PSMA4: variants seen among roughly 807,000 people sequenced by gnomAD.
PSMA4 encodes the protein proteasome 20S subunit alpha 4.
In PSMA4, 8 loss-of-function variants were observed where a neutral mutation model predicts 37.2. The ratio of observed to expected loss-of-function variants is 0.22; its 90% CI spans 0.13 to 0.39. The LOEUF (loss-of-function observed/expected upper bound fraction) is 0.39, where lower values mean the gene tolerates loss of function less well. Ranked by LOEUF, PSMA4 falls within the 10% of genes least tolerant of loss-of-function variation. PSMA4 has a pLI of 1.00. For synonymous variants in PSMA4, 93 were observed against 98.8 expected (o/e 0.94, Z 0.35); for missense variants, 169 against 305.1 (o/e 0.55, Z 3.32).
chr15:78,547,203 G>C (rs924085696), intron 8 of PSMA4, among the ~76,000 whole-genome samples: 5 of 152,128 alleles, frequency 3.3e-5, no homozygotes, highest in African/African-American at 1.2e-4. Context: ...GATCAACATT[G>C]GTAAATTGTG....
rs537707320 is a variant in PSMA4, at chr15:78,548,928, A to T, written c.770A>T (p.Lys257Ile). 3 of 1,608,576 alleles carry T rather than the reference A, an allele frequency of 1.9e-6. No homozygotes were observed. The African/African-American group carries it at 4.0e-5, about 22-fold the overall frequency. ...AEREKKEKEQKEKDK is the reference protein window; with the variant it reads ...AEREKKEKEQIEKDK ...CGTGAGAAGAAAGAAAAAGAACAGA[A>T]AGAAAAGGATAAATAGAATCAGAGA... Residue 257 changes from lysine to isoleucine, a missense_variant, in exon 9 of 9, where the codon AAA becomes ATA. Physicochemically the swap from Lys to Ile is moderately radical, Grantham distance 102 (BLOSUM62 -3). Coordinates refer to ENST00000044462, the MANE Select transcript of PSMA4 (RefSeq NM_002789.6).
chr15:78,546,764 T>G, intron 8 of PSMA4, 66 bp downstream of exon 8: 2 of 1,498,956 alleles, frequency 1.3e-6, no homozygotes, highest in Middle Eastern at 2.2e-4. Context: ...GTTAAGATTT[T>G]TTTCTTTTTT....
intron 4 of PSMA4, 25 bp downstream of exon 4, chr15:78,542,670 T>G: frequency 6.4e-7 from 1 of 1,574,166 alleles, no homozygotes; most frequent in South Asian, 1.2e-5. Context: ...AGGAAAGAGT[T>G]TAAAAAAAAT....
chr15:78,546,711 C>T lies in PSMA4; in HGVS notation c.631+13C>T. On this transcript the variant is annotated intron_variant, in intron 8 of 8. Transcript: ENST00000044462. ...TCTGCTGAAAAAGGTAATTCATATC[C>T]TCTCCTTTAATTCTTTCGACTGAGT... is the stretch of plus-strand genomic sequence containing the variant. 1.3e-6 allele frequency: 2 copies of T among 1,589,830 alleles called. No homozygotes were observed. Among genetic ancestry groups the T allele is most frequent in the South Asian group, 2.3e-5 (2 of 85,748 alleles).
At position 78,548,992 on chromosome 15, in the gene PSMA4, C is replaced by G; in HGVS notation, c.*48C>G. ...TTGGGGCACCATTTCAGTGTAAAAG[C>G]AGTCCTACTCTTCCACACTAGGAAG... On this transcript the variant is annotated 3_prime_UTR_variant, in exon 9 of 9. Coordinates refer to ENST00000044462, the MANE Select transcript of PSMA4 (RefSeq NM_002789.6). The G allele has an allele frequency of 6.4e-7, 1 of 1,557,814 alleles. No homozygotes were observed. Among genetic ancestry groups the G allele is most frequent in the Non-Finnish European group, 8.6e-7 (1 of 1,156,754 alleles).
intron 6 of PSMA4, among the ~76,000 whole-genome samples, 153 bp downstream of exon 6, chr15:78,545,110 A>G (rs4886572): frequency 0.67 from 101,597 of 152,052 alleles, 34,666 homozygotes; most frequent in East Asian, 0.83. Context: ...CATATTCATG[A>G]GGTACATAAT....
intron 8 of PSMA4, among the ~76,000 whole-genome samples, chr15:78,548,285 C>T (rs751234115): frequency 2.0e-5 from 3 of 152,036 alleles, no homozygotes; most frequent in Non-Finnish European, 2.9e-5. Flanking sequence ...CCTCTTTTGT[C>T]TACTTCCACC....
In PSMA4 at chr15:78,550,793, C is replaced by T. The variant is rs1335857362; in HGVS notation, c.*1849C>T. The T allele has an allele frequency of 1.3e-5, 2 of 152,190 alleles. No individual in the cohort carries two copies. Among genetic ancestry groups the T allele is most frequent in the African/African-American group, 2.4e-5 (1 of 41,446 alleles). 9.4% of individuals were successfully genotyped at this position (152,190 alleles called of 1,614,324 possible). ...CGCCTTGCTCAACCTCAGATGGGAA[C>T]ATGTGCACCTGGGTACTCAAAATTT... is the stretch of plus-strand genomic sequence containing the variant. On this transcript the variant is annotated 3_prime_UTR_variant, in exon 9 of 9. Transcript: ENST00000044462.
At chr15:78,545,071 AT>A (rs1298269197) in intron 6 of PSMA4, 114 bp downstream of exon 6, 2 of 622,998 alleles carry the variant, frequency 3.2e-6, no homozygotes, top group East Asian at 2.9e-5. Flanking sequence ...ATTAAATTTA[AT>A]TTTTTTAATT....
intron 4 of PSMA4, 22 bp downstream of exon 4, chr15:78,542,667 A>G: frequency 6.3e-7 from 1 of 1,577,756 alleles, no homozygotes; most frequent in Non-Finnish European, 8.6e-7. Flanking sequence ...TTTAGGAAAG[A>G]GTTTAAAAAA....
rs2052627334 is a variant in PSMA4, at chr15:78,550,489, C to G, written c.*1545C>G. ...TCTTATGCTTAGGAACAACACTAAACAGTGTTTTTTTCATAGAGACGGTGA... is the reference window on the plus strand; with the variant it reads ...TCTTATGCTTAGGAACAACACTAAAGAGTGTTTTTTTCATAGAGACGGTGA... On this transcript the variant is annotated 3_prime_UTR_variant, in exon 9 of 9. Coordinates refer to ENST00000044462, the MANE Select transcript of PSMA4 (RefSeq NM_002789.6). 1 of 83,880 alleles carries G rather than the reference C, an allele frequency of 1.2e-5. No individual in the cohort carries two copies. Among genetic ancestry groups the G allele is most frequent in the South Asian group, 3.9e-4 (1 of 2,574 alleles). 5.2% of individuals were successfully genotyped at this position (83,880 alleles called of 1,614,324 possible).
intron 4 of PSMA4, 158 bp downstream of exon 4, chr15:78,542,803 C>T: frequency 1.5e-6 from 1 of 662,028 alleles, no homozygotes; most frequent in Non-Finnish European, 2.5e-6. Context: ...CCATGTGTTA[C>T]TCCTTTTAAG....
Position 78,545,689 on chromosome 15 carries a change from C to CT in PSMA4, c.435dup (p.Gln146SerfsTer6). The stretch of plus-strand genomic sequence containing the variant: ...ACATTGGCTGGGATAAGCACTATGG[C>CT]TTTCAGCTCTATCAGAGTGACCCTA... On this transcript the variant is annotated frameshift_variant, in exon 7 of 9. Coordinates refer to ENST00000044462, the MANE Select transcript of PSMA4 (RefSeq NM_002789.6). LOFTEE classifies it high-confidence loss of function. 6.2e-7 allele frequency: 1 copy of CT among 1,613,892 alleles called. No individual in the cohort carries two copies. Among genetic ancestry groups the CT allele is most frequent in the Non-Finnish European group, 8.5e-7 (1 of 1,179,808 alleles).
At chr15:78,548,618 CA>C (rs1398136805) in intron 8 of PSMA4, among the ~76,000 whole-genome samples, 171 bp from the exon 9 acceptor site, 1 of 152,114 alleles carries the variant, frequency 6.6e-6, no homozygotes, top group African/African-American at 2.4e-5. Flanking sequence ...ATTACAAGAT[CA>C]AAAGTATATT....
chr15:78,544,238 G>C lies in PSMA4; in HGVS notation c.258G>C (p.Leu86=), dbSNP rs1421343724. ...VAGITSDANV[L]TNELRLIAQR... is the part of the protein sequence containing the mutation. ...GCATAACTTCTGATGCTAATGTTCT[G>C]ACTAATGAACTAAGGCTCATTGCTC... Residue 86 remains leucine, a synonymous_variant, in exon 5 of 9, where the codon CTG becomes CTC. Coordinates refer to ENST00000044462, the MANE Select transcript of PSMA4 (RefSeq NM_002789.6). 3 of 1,613,298 alleles carry C rather than the reference G, an allele frequency of 1.9e-6. No individual in the cohort carries two copies. The highest frequency in any genetic ancestry group is 2.5e-6 in the Non-Finnish European group (3 of 1,179,614).
chr15:78,544,947 A>G lies in PSMA4; in HGVS notation c.366A>G (p.Thr122=). ...TGTGTGATATCAAACAAGCTTATAC[A>G]CAATTTGGAGGTATTTAATTTTTTT... is the stretch of plus-strand genomic sequence containing the variant. The part of the protein sequence containing the change: ...TALCDIKQAY[T]QFGGKRPFGV... The change falls in exon 6 of 9, where the codon ACA becomes ACG. Residue 122 remains threonine (T), a synonymous_variant. Coordinates refer to ENST00000044462, the MANE Select transcript of PSMA4 (RefSeq NM_002789.6). The G allele has an allele frequency of 1.9e-6, 3 of 1,603,110 alleles. No homozygotes were observed. The highest frequency in any genetic ancestry group is 1.7e-5 in the Admixed American group (1 of 58,698).
At chr15:78,547,045 C>T (rs1248902561) in intron 8 of PSMA4, among the ~76,000 whole-genome samples, 3 of 152,232 alleles carry the variant, frequency 2.0e-5, no homozygotes, top group East Asian at 1.9e-4. Context: ...GGATTACAGG[C>T]GTGAGCCATT....
intron 2 of PSMA4, 66 bp downstream of exon 2, chr15:78,541,996 G>T: frequency 6.5e-7 from 1 of 1,542,436 alleles, no homozygotes; most frequent in South Asian, 1.2e-5. Flanking sequence ...TCAGTTTACA[G>T]ACTTGAGTGG....
intron 6 of PSMA4, 31 bp from the exon 7 acceptor site, chr15:78,545,603 T>C (rs577355286): frequency 3.1e-6 from 5 of 1,606,824 alleles, no homozygotes; most frequent in Non-Finnish European, 4.3e-6. Flanking sequence ...TTTAGATTAT[T>C]GATATGTTTG....
Sources: allele counts gnomAD v4.1 joint callset (sites outside exome capture counted in the v4.1 genomes callset), GRCh38; gene constraint gnomAD v4.1.1; transcripts MANE v1.5; gene names NCBI Gene and HGNC (gene_info 2026-07-23, HGNC 2026-07-21).